The following COXFA4 variants were observed in gnomAD, a reference collection of about 807,000 sequenced individuals.
COXFA4 encodes the protein cytochrome c oxidase associated subunit FA4, also known as cytochrome c oxidase subunit FA4.
At chr7:10,938,104 T>A in the COXFA4 span, 1 of 1,613,338 alleles carries the variant, frequency 6.2e-7, no homozygotes, top group South Asian at 1.1e-5. Context: ...TATTGATCAT[T>A]GGGACCCAGT....
chr7:10,938,240 T>C, the COXFA4 span: 2 of 1,116,234 alleles, frequency 1.8e-6, no homozygotes, highest in Non-Finnish European at 2.7e-6. Context: ...TCAATCTTAT[T>C]TTCTATTAGA....
the COXFA4 span, chr7:10,938,053 C>G: frequency 1.0e-5 from 16 of 1,579,096 alleles, no homozygotes; most frequent in Non-Finnish European, 1.4e-5. Context: ...TATTACAACA[C>G]AATTTCTAAC....
chr7:10,933,003 C>T, the COXFA4 span: 1 of 152,616 alleles, frequency 6.6e-6, no homozygotes, highest in Non-Finnish European at 1.5e-5. Context: ...AACCTGCACC[C>T]TGCACCAAGA....
chr7:10,936,246 C>T, the COXFA4 span, among the ~76,000 whole-genome samples: 1 of 152,232 alleles, frequency 6.6e-6, no homozygotes. Flanking sequence ...TTTCCAGACT[C>T]TGCTATCAGT....
At chr7:10,933,413 C>T in the COXFA4 span, 1 of 520,432 alleles carries the variant, frequency 1.9e-6, no homozygotes, top group Non-Finnish European at 3.4e-6. Flanking sequence ...TTCCTATACT[C>T]TAAAGTTCAG....
At chr7:10,936,331 T>G in the COXFA4 span, among the ~76,000 whole-genome samples, 8 of 152,244 alleles carry the variant, frequency 5.3e-5, no homozygotes, top group African/African-American at 1.9e-4. Context: ...TTGGCATGTG[T>G]TGTGATATTT....
chr7:10,936,452 G>GT, the COXFA4 span, among the ~76,000 whole-genome samples: 16 of 152,234 alleles, frequency 1.1e-4, no homozygotes, highest in African/African-American at 3.1e-4. Flanking sequence ...AAGCCTGCTA[G>GT]TTTTTTTGTT....
chr7:10,933,744 T>C, the COXFA4 span: 1 of 1,313,708 alleles, frequency 7.6e-7, no homozygotes, highest in Non-Finnish European at 1.1e-6. Flanking sequence ...ACAGAGACGG[T>C]ACAAAGGTTT....
At chr7:10,937,352 G>A in the COXFA4 span, among the ~76,000 whole-genome samples, 2,146 of 151,756 alleles carry the variant, frequency 0.014, 39 homozygotes, top group African/African-American at 0.049. Flanking sequence ...GCGTGATCCT[G>A]GCTCACTGCA....
chr7:10,938,584 T>C, the COXFA4 span: 1 of 493,364 alleles, frequency 2.0e-6, no homozygotes, highest in Admixed American at 3.4e-5. Context: ...AGATTTGGTA[T>C]TAGCAGTTCT....
chr7:10,936,505 T>C, the COXFA4 span, among the ~76,000 whole-genome samples: 1 of 152,220 alleles, frequency 6.6e-6, no homozygotes, highest in Admixed American at 6.5e-5. Flanking sequence ...TGGAATTATT[T>C]TCTCTGGAAT....
the COXFA4 span, among the ~76,000 whole-genome samples, chr7:10,937,529 C>G: frequency 6.6e-6 from 1 of 152,062 alleles, no homozygotes; most frequent in African/African-American, 2.4e-5. Context: ...GTGATCTGCC[C>G]GCCTCAGCCT....
At chr7:10,933,233 GTA>G in the COXFA4 span, 2 of 172,422 alleles carry the variant, frequency 1.2e-5, no homozygotes, top group Admixed American at 1.2e-4. Context: ...AGATGCTGGA[GTA>G]TCCTTCCCAA....
chr7:10,934,494 C>T, the COXFA4 span, among the ~76,000 whole-genome samples: 1 of 151,542 alleles, frequency 6.6e-6, no homozygotes, highest in African/African-American at 2.4e-5. Context: ...CCAAATAAGG[C>T]TAAAATCTTG....
At chr7:10,939,617 C>G in the COXFA4 span, 1 of 191,734 alleles carries the variant, frequency 5.2e-6, no homozygotes, top group Non-Finnish European at 1.1e-5. Flanking sequence ...TGGTGCAATG[C>G]GGCGAATACA....
chr7:10,938,313 C>T, the COXFA4 span: 4 of 606,718 alleles, frequency 6.6e-6, no homozygotes, highest in East Asian at 1.1e-4. Context: ...TAAGCAATCT[C>T]ATGTAATCAA....
chr7:10,936,470 T>C, the COXFA4 span, among the ~76,000 whole-genome samples: 1 of 152,248 alleles, frequency 6.6e-6, no homozygotes, highest in Non-Finnish European at 1.5e-5. Context: ...GTTTGTTTGT[T>C]TACTTTTTAA....
chr7:10,937,027 C>G, the COXFA4 span, among the ~76,000 whole-genome samples: 19 of 152,162 alleles, frequency 1.2e-4, no homozygotes, highest in African/African-American at 4.1e-4. Flanking sequence ...CAGAGTGAGA[C>G]TCTGTCTCCA....
the COXFA4 span, chr7:10,938,387 C>T: frequency 3.9e-6 from 2 of 511,256 alleles, no homozygotes; most frequent in East Asian, 3.1e-5. Flanking sequence ...TTTCACAAAA[C>T]CTTTCCATTT....
Sources: gnomAD v4.1 joint callset for allele counts (sites outside exome capture counted in the v4.1 genomes callset) on GRCh38, gnomAD v4.1.1 for gene constraint, MANE v1.5 for transcripts, NCBI Gene and HGNC (gene_info 2026-07-23, HGNC 2026-07-21) for gene names.